The following SEMA4D variants were observed in gnomAD, a reference collection of about 807,000 sequenced individuals.
SEMA4D encodes semaphorin-4D.
Under a neutral mutation model 74.8 loss-of-function variants are expected in SEMA4D, and 22 were observed. The ratio of observed to expected loss-of-function variants is 0.29; its 90% CI spans 0.21 to 0.42. The LOEUF is 0.42. Ranked by LOEUF, SEMA4D falls within the 10% of genes least tolerant of loss-of-function variation. The pLI is 1.00. For missense variants in SEMA4D, 937 were observed against 1,118.4 expected, an observed-to-expected ratio of 0.84 and a Z score of 2.31; for synonymous variants, 445 against 463.7, an observed-to-expected ratio of 0.96 and a Z score of 0.52.
At position 89,466,568 on chromosome 9, in the gene SEMA4D, C is replaced by T. The variant is rs1260429485; in HGVS notation, c.-309-10615G>A. Among the ~76,000 whole-genome samples, 3 of 152,148 alleles carry T rather than the reference C, an allele frequency of 2.0e-5. No individual in the cohort carries two copies. The East Asian group carries it at 5.8e-4, about 29-fold the overall frequency. ...GTCTAGACCATACGCAGTGCATCATCGAGGGAGCACACAGCCCCCGTGTGC... is the reference window on the plus strand; with the variant it reads ...GTCTAGACCATACGCAGTGCATCATTGAGGGAGCACACAGCCCCCGTGTGC... On this transcript the variant is annotated intron_variant, in intron 1 of 15. Transcript: ENST00000422704.
At chr9:89,375,728 G>GATAC (rs759059855), downstream of SEMA4D, among the ~76,000 whole-genome samples, 5 of 152,192 alleles carry the variant, frequency 3.3e-5, no homozygotes, top group Non-Finnish European at 5.9e-5. Flanking sequence ...TGAAGCACAG[G>GATAC]ATACATCTTT....
chr9:89,401,315 CCA>C (rs1842176026), intron 4 of SEMA4D, among the ~76,000 whole-genome samples: 2 of 152,196 alleles, frequency 1.3e-5, no homozygotes, highest in South Asian at 4.1e-4. Flanking sequence ...CCTCGACCTC[CCA>C]CAGTGTTAGG....
Position 89,396,872 on chromosome 9 carries a change from A to G in SEMA4D, c.316-37T>C, listed in dbSNP as rs7859103. 4,195 of 1,564,078 alleles carry G rather than the reference A, an allele frequency of 2.7e-3. 102 individuals are homozygous for G. In the African/African-American group the frequency reaches 0.051, roughly 19 times the overall value. On this transcript the variant is annotated intron_variant, in intron 5 of 15. Transcript: ENST00000422704. ...AGAAATGCACCATTAGCAACCGTCC[A>G]GCCCAGATGCCCTCCACTATTCAAA...
At chr9:89,371,730 GGGGTGTGGTGTGTGTC>G (rs1834893910) in intron 16 of SEMA4D, among the ~76,000 whole-genome samples, 1 of 103,670 alleles carries the variant, frequency 9.6e-6, no homozygotes, top group Non-Finnish European at 1.9e-5. Context: ...GTGTGTGTCT[GGGGTGTGGTGTGTGTC>G]GGGTGTGGTG....
At chr9:89,419,623 A>G (rs982725041) in intron 2 of SEMA4D, among the ~76,000 whole-genome samples, 2 of 152,194 alleles carry the variant, frequency 1.3e-5, no homozygotes, top group Non-Finnish European at 2.9e-5. Flanking sequence ...TTTTAAAACT[A>G]AAAAACTGGC....
chr9:89,448,656 C>T (rs529398985), intron 2 of SEMA4D, among the ~76,000 whole-genome samples: 26 of 152,344 alleles, frequency 1.7e-4, no homozygotes, highest in Admixed American at 1.2e-3. Flanking sequence ...ATGTGTCAGA[C>T]GCACCCAGAA....
chr9:89,414,664 G>C (rs138449991), intron 2 of SEMA4D, among the ~76,000 whole-genome samples: 2 of 152,322 alleles, frequency 1.3e-5, no homozygotes, highest in African/African-American at 4.8e-5. Flanking sequence ...AGCTGTCTAG[G>C]TCACAAGCAT....
At chr9:89,476,409 T>C (rs1489193520) in intron 1 of SEMA4D, among the ~76,000 whole-genome samples, 1 of 152,232 alleles carries the variant, frequency 6.6e-6, no homozygotes, top group East Asian at 1.9e-4. Context: ...TTGATACTTC[T>C]GTGGAGGTAT....
intron 1 of SEMA4D, among the ~76,000 whole-genome samples, chr9:89,471,827 GAGGTGCATGCCAGCTC>G (rs764586573): frequency 1.5e-5 from 2 of 131,402 alleles, no homozygotes; most frequent in East Asian, 4.8e-4. Flanking sequence ...CATACAGGCT[GAGGTGCATGCCAGCTC>G]AGGTGCATGC....
chr9:89,474,292 A>G (rs993735989), intron 1 of SEMA4D, among the ~76,000 whole-genome samples: 2 of 152,244 alleles, frequency 1.3e-5, no homozygotes, highest in South Asian at 2.1e-4. Context: ...CATTTTAGCC[A>G]TAATTAACCT....
At chr9:89,380,946 G>A in intron 15 of SEMA4D, 109 bp downstream of exon 15, 1 of 1,328,272 alleles carries the variant, frequency 7.5e-7, no homozygotes, top group Non-Finnish European at 1.1e-6. Context: ...TGTTCCGAGT[G>A]GAGAAAGAAA....
chr9:89,475,686 C>G (rs1458519962), intron 1 of SEMA4D, among the ~76,000 whole-genome samples: 5 of 152,236 alleles, frequency 3.3e-5, no homozygotes, highest in Admixed American at 6.5e-5. Flanking sequence ...CTGTGTTTCT[C>G]CCGCCTCGCT....
chr9:89,443,350 T>C (rs1852101618), intron 2 of SEMA4D, among the ~76,000 whole-genome samples: 1 of 152,204 alleles, frequency 6.6e-6, no homozygotes, highest in Non-Finnish European at 1.5e-5. Context: ...AGGATGCCCA[T>C]GGGCCCAGTC....
At chr9:89,437,925 T>C (rs1850813000) in intron 2 of SEMA4D, among the ~76,000 whole-genome samples, 1 of 152,158 alleles carries the variant, frequency 6.6e-6, no homozygotes, top group African/African-American at 2.4e-5. Flanking sequence ...GGATGAGCCA[T>C]CCAACCTGCT....
intron 1 of SEMA4D, among the ~76,000 whole-genome samples, chr9:89,474,380 C>G (rs1861248062): frequency 6.6e-6 from 1 of 152,162 alleles, no homozygotes; most frequent in African/African-American, 2.4e-5. Flanking sequence ...ACAAAGATTA[C>G]AGTGGACAAA....
At chr9:89,405,268 G>C (rs750553873) in intron 3 of SEMA4D, 83 bp downstream of exon 3, 9 of 1,221,730 alleles carry the variant, frequency 7.4e-6, no homozygotes, top group Non-Finnish European at 1.1e-5. Flanking sequence ...TCCCTGTCCC[G>C]TCCCCAGCCA....
At chr9:89,406,451 A>G (rs1843344210) in intron 2 of SEMA4D, among the ~76,000 whole-genome samples, 1 of 152,232 alleles carries the variant, frequency 6.6e-6, no homozygotes, top group Non-Finnish European at 1.5e-5. Flanking sequence ...TGGTGGTGGG[A>G]GAGGCATGCA....
Position 89,488,352 on chromosome 9 carries a change from CTTTTTTTTTTTTTTTTTT to C in SEMA4D, c.-310+9549_-310+9566del, listed in dbSNP as rs1158168446. On this transcript the variant is annotated intron_variant, in intron 1 of 15. Coordinates refer to ENST00000422704, the MANE Select transcript of SEMA4D (RefSeq NM_001371194.2). ...AATTAACTCGAAATGGATCACAGAT[CTTTTTTTTTTTTTTTTTT>C]TTTTTTTTTTGAGAACAGAGTCTCA... 1.3e-4 allele frequency among the ~76,000 whole-genome samples: 8 copies of C among 62,618 alleles called. No homozygotes were observed. The South Asian group carries it at 6.1e-3, about 48-fold the overall frequency. 41.1% of individuals were successfully genotyped at this position (62,618 alleles called of 152,430 possible). A position where few individuals can be genotyped will look rare whatever the true frequency, so the allele number is the denominator to read the frequency against.
chr9:89,483,919 G>A (rs1055068728), intron 1 of SEMA4D, among the ~76,000 whole-genome samples: 2 of 152,236 alleles, frequency 1.3e-5, no homozygotes, highest in African/African-American at 4.8e-5. Context: ...CTGAGGCTTG[G>A]TTTCAAACAT....
Sources: allele counts gnomAD v4.1 joint callset (sites outside exome capture counted in the v4.1 genomes callset), GRCh38; gene constraint gnomAD v4.1.1; transcripts MANE v1.5; gene names NCBI Gene and HGNC (gene_info 2026-07-23, HGNC 2026-07-21).